TMEM196: variants seen among roughly 807,000 people sequenced by gnomAD.
TMEM196 encodes transmembrane protein 196.
A neutral mutation model predicts 20.0 loss-of-function variants in TMEM196; 17 were observed. That is an observed-to-expected ratio of 0.85 (90% CI 0.58 to 1.27). The LOEUF is 1.27. TMEM196 is among the 50% of genes most tolerant of loss of function. The pLI, the probability that TMEM196 is intolerant of heterozygous loss-of-function variation, is 0.00. For synonymous variants in TMEM196, 113 were observed against 88.9 expected (o/e 1.27, Z -1.52); for missense variants, 267 against 223.0 (o/e 1.20, Z -1.26).
Position 19,729,423 on chromosome 7 carries a change from T to C in TMEM196, c.163A>G (p.Ile55Val). 6.4e-7 allele frequency: 1 copy of C among 1,550,580 alleles called. No individual in the cohort carries two copies. Among genetic ancestry groups the C allele is most frequent in the Non-Finnish European group, 8.7e-7 (1 of 1,146,740 alleles). Residue 55 changes from isoleucine (I) to valine (V), a missense_variant, in exon 2 of 5, where the codon ATT (isoleucine) becomes GTT (valine). Transcript: ENST00000405844. ...TTTTTGGCACACAATATTCCACAAA[T>C]GCCACAAAGAAGAAACTGAAAAGGA... ...GDSSPFLLCGICGILCAKKKS... is the reference protein window; with the variant it reads ...GDSSPFLLCGVCGILCAKKKS...
chr7:19,751,619 T>C (rs923476276), intron 1 of TMEM196, among the ~76,000 whole-genome samples: 10 of 152,252 alleles, frequency 6.6e-5, no homozygotes, highest in Admixed American at 3.9e-4. Context: ...ATGCTTATGA[T>C]ATTTTTGGTA....
At chr7:19,760,031 C>A (rs1220729986) in intron 1 of TMEM196, among the ~76,000 whole-genome samples, 1 of 152,122 alleles carries the variant, frequency 6.6e-6, no homozygotes, top group African/African-American at 2.4e-5. Context: ...ACGGAAAAAT[C>A]TAAATGTTGT....
At chr7:19,767,348 G>A (rs114024236) in intron 1 of TMEM196, among the ~76,000 whole-genome samples, 2,294 of 152,076 alleles carry the variant, frequency 0.015, 47 homozygotes, top group African/African-American at 0.053. Context: ...TTATCTGATT[G>A]TCAATCATCC....
intron 1 of TMEM196, among the ~76,000 whole-genome samples, chr7:19,771,522 A>G (rs1380697210): frequency 6.6e-6 from 1 of 152,222 alleles, no homozygotes; most frequent in African/African-American, 2.4e-5. Context: ...AGTGACTTAA[A>G]GCTCAAGTGA....
At chr7:19,745,399 G>T (rs968179156) in intron 1 of TMEM196, among the ~76,000 whole-genome samples, 30 of 151,918 alleles carry the variant, frequency 2.0e-4, no homozygotes, top group African/African-American at 7.3e-4. Context: ...ATTATAAATT[G>T]CTCCCAGTAA....
chr7:19,725,725 C>A lies in TMEM196; in HGVS notation c.248G>T (p.Gly83Val). 6.2e-7 allele frequency: 1 copy of A among 1,612,732 alleles called. No individual in the cohort carries two copies. The highest frequency in any genetic ancestry group is 8.5e-7 in the Non-Finnish European group (1 of 1,178,940). ...SACCICGLIGGILNFQFLRAV... is the reference protein window; with the variant it reads ...SACCICGLIGVILNFQFLRAV... The stretch of plus-strand genomic sequence containing the variant: ...CCGGAGGAACTGAAAATTCAGGATG[C>A]CCCCAATAAGTCCACAGATACAGCA... The change falls in exon 3 of 5, where the codon GGC (glycine) becomes GTC (valine). Residue 83 changes from glycine (G) to valine (V), a missense_variant. Physicochemically the swap from Gly to Val is moderately radical, Grantham distance 109. Coordinates refer to ENST00000405844, the MANE Select transcript of TMEM196 (RefSeq NM_001363562.2).
chr7:19,737,424 A>G (rs375216129), intron 1 of TMEM196, among the ~76,000 whole-genome samples: 149 of 152,130 alleles, frequency 9.8e-4, no homozygotes, highest in Non-Finnish European at 1.3e-3. Context: ...ACAAAGCTAA[A>G]CATAGTCTTC....
At chr7:19,759,715 C>G (rs892944694) in intron 1 of TMEM196, among the ~76,000 whole-genome samples, 2 of 152,026 alleles carry the variant, frequency 1.3e-5, no homozygotes, top group African/African-American at 2.4e-5. Context: ...AAAGACTAAA[C>G]AGAAACTCGA....
intron 1 of TMEM196, among the ~76,000 whole-genome samples, chr7:19,733,901 A>T (rs1784300125): frequency 6.6e-6 from 1 of 152,180 alleles, no homozygotes; most frequent in South Asian, 2.1e-4. Context: ...GTTGACAACA[A>T]CAAAACACTT....
In TMEM196 at chr7:19,756,277, G is replaced by A. The variant is rs79301342; in HGVS notation, c.147+16273C>T. Among the ~76,000 whole-genome samples the A allele has an allele frequency of 6.4e-3, 962 of 151,138 alleles. 14 individuals carry two copies. The highest frequency in any genetic ancestry group is 6.6e-3 in the Non-Finnish European group (448 of 67,820). The stretch of plus-strand genomic sequence containing the variant: ...TTTTTCCATGTAATCAACATAAAAC[G>A]ACTTGAGACATTTTACATTCTTTTT... On this transcript the variant is annotated intron_variant, in intron 1 of 4. Coordinates refer to ENST00000405844, the MANE Select transcript of TMEM196 (RefSeq NM_001363562.2).
intron 1 of TMEM196, among the ~76,000 whole-genome samples, chr7:19,738,904 C>T (rs1028554928): frequency 1.3e-5 from 2 of 151,968 alleles, no homozygotes; most frequent in Non-Finnish European, 2.9e-5. Context: ...GTGAGCCACA[C>T]GTAATGATTT....
At chr7:19,754,547 G>T (rs1209503076) in intron 1 of TMEM196, among the ~76,000 whole-genome samples, 2 of 152,124 alleles carry the variant, frequency 1.3e-5, no homozygotes, top group Non-Finnish European at 2.9e-5. Context: ...GCAATACATC[G>T]TGAGCATTGT....
At chr7:19,767,672 G>A (rs1429350356) in intron 1 of TMEM196, among the ~76,000 whole-genome samples, 1 of 151,860 alleles carries the variant, frequency 6.6e-6, no homozygotes, top group East Asian at 1.9e-4. Flanking sequence ...ATTTTAAAAT[G>A]GGCCATAAAA....
At position 19,772,605 on chromosome 7, in the gene TMEM196, A is replaced by G; in HGVS notation, c.92T>C (p.Val31Ala). ...CTCTCGGAGGGCCAGGCTGAAGCTGACCGCCCCCACGGCCACGCTGGACAC... is the reference window on the plus strand; with the variant it reads ...CTCTCGGAGGGCCAGGCTGAAGCTGGCCGCCCCCACGGCCACGCTGGACAC... Reference protein sequence around the residue: ...LGVSSVAVGAVSFSLALREHK... With the variant: ...LGVSSVAVGAASFSLALREHK... Residue 31 changes from valine to alanine, a missense_variant, in exon 1 of 5, where the codon GTC (valine) becomes GCC (alanine). Val to Ala is a moderately conservative substitution (Grantham distance 64, BLOSUM62 0). Transcript: ENST00000405844. 6.5e-7 allele frequency: 1 copy of G among 1,546,456 alleles called. No homozygotes were observed. Among genetic ancestry groups the G allele is most frequent in the Non-Finnish European group, 8.7e-7 (1 of 1,145,626 alleles).
At position 19,722,050 on chromosome 7, in the gene TMEM196, A is replaced by G. The variant is rs1029567956; in HGVS notation, c.*78T>C. The G allele has an allele frequency of 6.3e-7, 1 of 1,598,028 alleles. No homozygotes were observed. The highest frequency in any genetic ancestry group is 8.6e-7 in the Non-Finnish European group (1 of 1,169,486). ...TCATTGCCTCATGAAAATCCTAAAA[A>G]GTGTTCAATTCTTTAAAACATTGAT... is the stretch of plus-strand genomic sequence containing the variant. On this transcript the variant is annotated 3_prime_UTR_variant, in exon 5 of 5. Coordinates refer to ENST00000405844, the MANE Select transcript of TMEM196 (RefSeq NM_001363562.2).
intron 1 of TMEM196, among the ~76,000 whole-genome samples, chr7:19,742,602 G>A (rs1421706568): frequency 6.6e-6 from 1 of 152,148 alleles, no homozygotes; most frequent in African/African-American, 2.4e-5. Context: ...TTGGGAATGA[G>A]GCAGTGTATA....
intron 1 of TMEM196, among the ~76,000 whole-genome samples, chr7:19,745,923 A>T (rs904995001): frequency 2.0e-4 from 31 of 151,996 alleles, no homozygotes; most frequent in African/African-American, 7.2e-4. Context: ...AAAAAATCAA[A>T]TAACTCAGAG....
chr7:19,741,145 G>T (rs1337526792), intron 1 of TMEM196, among the ~76,000 whole-genome samples: 1 of 152,084 alleles, frequency 6.6e-6, no homozygotes, highest in African/African-American at 2.4e-5. Flanking sequence ...AGTTTATGAA[G>T]AAAATAAATT....
chr7:19,756,998 T>C (rs1419812286), intron 1 of TMEM196, among the ~76,000 whole-genome samples: 3 of 152,090 alleles, frequency 2.0e-5, no homozygotes, highest in Non-Finnish European at 4.4e-5. Flanking sequence ...GAGGCACAGT[T>C]CCAGTAATGG....
Sources: allele counts gnomAD v4.1 joint callset (sites outside exome capture counted in the v4.1 genomes callset), GRCh38; gene constraint gnomAD v4.1.1; transcripts MANE v1.5; gene names NCBI Gene and HGNC (gene_info 2026-07-23, HGNC 2026-07-21).